The following PHF3 variants were observed in gnomAD, a reference collection of about 807,000 sequenced individuals.
The protein encoded by PHF3 is PHD finger protein 3.
PHF3 carries 41 observed loss-of-function variants against 178.4 expected under a neutral mutation model. The observed-to-expected ratio is 0.23, with a 90% CI of 0.18 to 0.30. The LOEUF is 0.30. Ranked by LOEUF, PHF3 falls within the 10% of genes least tolerant of loss-of-function variation. The pLI is 1.00. For missense variants in PHF3, 2,346 were observed against 2,398.1 expected, an observed-to-expected ratio of 0.98 and a Z score of 0.45; for synonymous variants, 842 against 800.5, an observed-to-expected ratio of 1.05 and a Z score of -0.88.
In PHF3 at chr6:63,703,589, AGAG is replaced by A. The variant is rs1767568996; in HGVS notation, c.3290_3292del (p.Glu1097del). On this transcript the variant is annotated inframe_deletion, in exon 11 of 16. Transcript: ENST00000262043. ...AGCCAGAAGGATCTGAAAAACAAAA[AGAG>A]GAGGTTGACTCTATGTCTAAAGATA... The A allele has an allele frequency of 6.2e-7, 1 of 1,613,244 alleles. No individual in the cohort carries two copies. The highest frequency in any genetic ancestry group is 1.1e-5 in the South Asian group (1 of 90,866).
chr6:63,689,783 C>G (rs1766915494), intron 4 of PHF3, among the ~76,000 whole-genome samples: 1 of 152,042 alleles, frequency 6.6e-6, no homozygotes, highest in Non-Finnish European at 1.5e-5. Context: ...TTAATATGTG[C>G]TTTATATTTT....
chr6:63,720,173 T>G lies in PHF3; in HGVS notation c.*6465T>G, dbSNP rs1768318364. The stretch of plus-strand genomic sequence containing the variant: ...GTATAATTTTTATTTTTCCTTTGAT[T>G]AATAACTTGATTTTTTTCTTATTTG... On this transcript the variant is annotated 3_prime_UTR_variant, in exon 16 of 16. Coordinates refer to ENST00000262043, the MANE Select transcript of PHF3 (RefSeq NM_001370348.2). The G allele has an allele frequency of 4.8e-6, 1 of 206,342 alleles. No individual in the cohort carries two copies. The highest frequency in any genetic ancestry group is 9.6e-6 in the Non-Finnish European group (1 of 104,308). The allele number at this position is 206,342 out of a possible 1,614,324, so 12.8% of individuals were successfully genotyped here. A position where few individuals can be genotyped will look rare whatever the true frequency, so the allele number is the denominator to read the frequency against.
intron 2 of PHF3, among the ~76,000 whole-genome samples, chr6:63,656,499 A>C (rs1765240476): frequency 1.3e-5 from 2 of 152,138 alleles, no homozygotes; most frequent in Non-Finnish European, 2.9e-5. Flanking sequence ...ATAAACTTGC[A>C]TTTCTGTGCT....
intron 2 of PHF3, chr6:63,678,850 C>G: frequency 4.4e-6 from 2 of 452,614 alleles, no homozygotes; most frequent in Non-Finnish European, 8.9e-6. Context: ...TCTTGTTGAG[C>G]TCTTTTAAAT....
intron 9 of PHF3, among the ~76,000 whole-genome samples, chr6:63,702,018 C>T (rs1302239477): frequency 3.3e-5 from 5 of 152,090 alleles, no homozygotes; most frequent in South Asian, 2.1e-4. Context: ...CTTGTTCAAC[C>T]GAATTTTCAG....
chr6:63,705,941 A>C, intron 11 of PHF3, 88 bp from the exon 12 acceptor site: 1 of 974,536 alleles, frequency 1.0e-6, no homozygotes, highest in East Asian at 2.5e-5. Context: ...TGAATCATAG[A>C]ACCTGAATAA....
At chr6:63,666,226 TC>T (rs1765676190) in intron 2 of PHF3, among the ~76,000 whole-genome samples, 1 of 152,140 alleles carries the variant, frequency 6.6e-6, no homozygotes, top group African/African-American at 2.4e-5. Context: ...TTCATGTGTT[TC>T]TCCATTAAAG....
chr6:63,685,377 T>C lies in PHF3; in HGVS notation c.1655T>C (p.Ile552Thr), dbSNP rs1766642294. The change falls in exon 4 of 16, where the codon ATT becomes ACT. Residue 552 changes from isoleucine (I) to threonine (T), a missense_variant. Around this residue, in one of 8 missense-constraint regions of PHF3, gnomAD observed 843 missense variants for 795.2 expected, o/e 1.06. Transcript: ENST00000262043. Reference sequence around the variant, plus strand: ...CCAGTCAAAGTCAGAAAAAAACAAATTGATAAGGAGCCAAAGATTCAGAGT... The same window carrying C: ...CCAGTCAAAGTCAGAAAAAAACAAACTGATAAGGAGCCAAAGATTCAGAGT... ...HRPVKVRKKQIDKEPKIQSCN... is the reference protein window; with the variant it reads ...HRPVKVRKKQTDKEPKIQSCN... The C allele has an allele frequency of 6.2e-7, 1 of 1,613,880 alleles. No individual in the cohort carries two copies. The highest frequency in any genetic ancestry group is 8.5e-7 in the Non-Finnish European group (1 of 1,179,962).
In PHF3 at chr6:63,721,908, CAG is replaced by C. The variant is rs1768413067; in HGVS notation, c.*8202_*8203del. ...GTTTTAGTTATGGGGAAAAAAGTAACAGATCTTGAGCACAATTGTGTTAGTTT... is the reference window on the plus strand; with the variant it reads ...GTTTTAGTTATGGGGAAAAAAGTAACATCTTGAGCACAATTGTGTTAGTTT... On this transcript the variant is annotated 3_prime_UTR_variant, in exon 16 of 16. Transcript: ENST00000262043. 2.1e-6 allele frequency: 2 copies of C among 953,054 alleles called. No homozygotes were observed. The highest frequency in any genetic ancestry group is 3.1e-6 in the Non-Finnish European group (2 of 652,692). The allele number at this position is 953,054 out of a possible 1,614,324, so 59.0% of individuals were successfully genotyped here.
chr6:63,636,218 G>T, intron 1 of PHF3, 68 bp downstream of exon 1: 1 of 343,492 alleles, frequency 2.9e-6, no homozygotes. Context: ...CCTTCCACAC[G>T]CACAGCGCCT....
Position 63,716,494 on chromosome 6 carries a change from C to T in PHF3, c.*2786C>T, listed in dbSNP as rs1185039201. 6.6e-6 allele frequency among the ~76,000 whole-genome samples: 1 copy of T among 152,046 alleles called. No homozygotes were observed. Among genetic ancestry groups the T allele is most frequent in the African/African-American group, 2.4e-5 (1 of 41,422 alleles). On this transcript the variant is annotated 3_prime_UTR_variant, in exon 16 of 16. Transcript: ENST00000262043. Reference sequence around the variant, plus strand: ...GCAAAATTTATATTAATCACAAATCCTAATTCTCTATTCCTGTTTTCTATT... The same window carrying T: ...GCAAAATTTATATTAATCACAAATCTTAATTCTCTATTCCTGTTTTCTATT...
rs751911231 is a variant in PHF3 at position 63,698,320 on chromosome 6, G to A, written c.2778G>A (p.Gln926=). ...AASASKPSAD[Q]IRQSVRHSLK... ...CTGCTTCCAAGCCTTCTGCAGATCAGATCAGGCAAAGTGTCAGACATTCTC... is the reference window on the plus strand; with the variant it reads ...CTGCTTCCAAGCCTTCTGCAGATCAAATCAGGCAAAGTGTCAGACATTCTC... Residue 926 remains glutamine (Q), a synonymous_variant, in exon 7 of 16, where the codon CAG becomes CAA. Transcript: ENST00000262043. The A allele has an allele frequency of 6.2e-7, 1 of 1,612,844 alleles. No homozygotes were observed. The highest frequency in any genetic ancestry group is 1.1e-5 in the South Asian group (1 of 90,890).
chr6:63,666,512 A>T (rs1018918678), intron 2 of PHF3, among the ~76,000 whole-genome samples: 36 of 151,222 alleles, frequency 2.4e-4, no homozygotes, highest in Admixed American at 2.2e-3. Context: ...TCCATAGGGG[A>T]TTGGTTCCAG....
At position 63,725,986 on chromosome 6, in the gene PHF3, T is replaced by TA. The variant is rs1271776538; in HGVS notation, c.*12284dup. On this transcript the variant is annotated 3_prime_UTR_variant, in exon 16 of 16. Transcript: ENST00000262043. ...TGGATATCAAGGGTAAAGTAAAACCTAAAAAATTAAATTTTAAAACACTAA... is the reference window on the plus strand; with the variant it reads ...TGGATATCAAGGGTAAAGTAAAACCTAAAAAAATTAAATTTTAAAACACTAA... Among the ~76,000 whole-genome samples, 2 of 152,152 alleles carry TA rather than the reference T, an allele frequency of 1.3e-5. No individual in the cohort carries two copies. Among genetic ancestry groups the TA allele is most frequent in the Non-Finnish European group, 2.9e-5 (2 of 67,982 alleles).
At chr6:63,708,266 A>G (rs1231803505) in intron 13 of PHF3, among the ~76,000 whole-genome samples, 2 of 152,286 alleles carry the variant, frequency 1.3e-5, no homozygotes, top group Non-Finnish European at 2.9e-5. Context: ...AATGAATTAG[A>G]TCCATGATGT....
chr6:63,640,756 G>C (rs946669154), intron 1 of PHF3, among the ~76,000 whole-genome samples: 1 of 152,004 alleles, frequency 6.6e-6, no homozygotes, highest in African/African-American at 2.4e-5. Flanking sequence ...TATATAATCA[G>C]GATAATAATA....
Position 63,713,533 on chromosome 6 carries a change from A to G in PHF3, c.5945A>G (p.Asp1982Gly), listed in dbSNP as rs763774532. 1.9e-6 allele frequency: 3 copies of G among 1,613,670 alleles called. No homozygotes were observed. The highest frequency in any genetic ancestry group is 2.2e-5 in the South Asian group (2 of 91,074). The change falls in exon 16 of 16, where the codon GAT becomes GGT. Residue 1982 changes from aspartate (D) to glycine (G), a missense_variant. Asp to Gly is a moderately conservative substitution (Grantham distance 94). Transcript: ENST00000262043. ...ARLSHGDRGT[D>G]GKASRDSRNV... ...TTATCACATGGTGATCGAGGAACAG[A>G]TGGAAAAGCAAGCAGAGATAGTAGG...
chr6:63,713,752 A>G lies in PHF3; in HGVS notation c.*44A>G, dbSNP rs1561988713. ...GGATTACATTTAAATAACTGTTAAA[A>G]TGTTGTATCTTGTAAACAAAAGAAA... On this transcript the variant is annotated 3_prime_UTR_variant, in exon 16 of 16. Coordinates refer to ENST00000262043, the MANE Select transcript of PHF3 (RefSeq NM_001370348.2). 3 of 1,427,026 alleles carry G rather than the reference A, an allele frequency of 2.1e-6. No homozygotes were observed. Among genetic ancestry groups the G allele is most frequent in the Non-Finnish European group, 9.4e-7 (1 of 1,064,166 alleles). The allele number at this position is 1,427,026 out of a possible 1,614,324, so 88.4% of individuals were successfully genotyped here.
intron 1 of PHF3, among the ~76,000 whole-genome samples, chr6:63,643,007 A>G (rs1370010441): frequency 6.6e-6 from 1 of 152,122 alleles, no homozygotes; most frequent in African/African-American, 2.4e-5. Flanking sequence ...AGTTTCCCTG[A>G]TTATTAACAT....
Sources: gnomAD v4.1 joint callset for allele counts (sites outside exome capture counted in the v4.1 genomes callset) on GRCh38, gnomAD v4.1.1 for gene constraint, gnomAD v4.1.1 regional missense constraint, MANE v1.5 for transcripts, NCBI Gene and HGNC (gene_info 2026-07-23, HGNC 2026-07-21) for gene names.